DENND4C: variants seen among roughly 807,000 people sequenced by gnomAD.
DENND4C encodes the protein DENN domain containing 4C.
In DENND4C, 108 loss-of-function variants were observed where a neutral mutation model predicts 203.0. The ratio of observed to expected loss-of-function variants is 0.53; its 90% CI spans 0.46 to 0.62. The LOEUF (loss-of-function observed/expected upper bound fraction) is 0.62. Ranked by LOEUF, DENND4C falls within the 20% of genes least tolerant of loss-of-function variation. The pLI, the probability that DENND4C is intolerant of heterozygous loss-of-function variation, is 0.00. For missense variants in DENND4C, 2,481 were observed against 2,301.2 expected (o/e 1.08, Z -1.60); for synonymous variants, 871 against 792.4 (o/e 1.10, Z -1.67).
At position 19,263,362 on chromosome 9, in the gene DENND4C, A is replaced by T. The variant is rs7032921; in HGVS notation, c.-17-12796A>T. Among the ~76,000 whole-genome samples, 4 of 152,044 alleles carry T rather than the reference A, an allele frequency of 2.6e-5. No homozygotes were observed. In the South Asian group the frequency reaches 6.2e-4, roughly 24 times the overall value. On this transcript the variant is annotated intron_variant, in intron 1 of 32. Coordinates refer to ENST00000434457, the MANE Select transcript of DENND4C (RefSeq NM_001330640.2). ...CTTGTTGTTTTTTGTTTGTTTGTTT[A>T]TTTGTTTTTTTGAGACAGAGTTTCA...
intron 2 of DENND4C, among the ~76,000 whole-genome samples, chr9:19,278,503 C>A (rs755428557): frequency 6.6e-6 from 1 of 152,080 alleles, no homozygotes; most frequent in Non-Finnish European, 1.5e-5. Context: ...GCTCATCACC[C>A]ACTCTTGTTG....
chr9:19,266,730 G>A (rs1426939058), intron 1 of DENND4C, among the ~76,000 whole-genome samples: 1 of 152,178 alleles, frequency 6.6e-6, no homozygotes, highest in Non-Finnish European at 1.5e-5. Context: ...ATGGGGAAAG[G>A]ATTCCTTATT....
At chr9:19,315,708 T>C (rs1588902692) in intron 10 of DENND4C, among the ~76,000 whole-genome samples, 1 of 149,094 alleles carries the variant, frequency 6.7e-6, no homozygotes, top group South Asian at 2.1e-4. Flanking sequence ...GCTTTGGGGT[T>C]TTTTTTTTTC....
At chr9:19,253,111 C>G (rs1413265872) in intron 1 of DENND4C, among the ~76,000 whole-genome samples, 3 of 152,194 alleles carry the variant, frequency 2.0e-5, no homozygotes, top group African/African-American at 7.2e-5. Context: ...CATATGCCTT[C>G]TTACGTAGTG....
intron 21 of DENND4C, among the ~76,000 whole-genome samples, 184 bp downstream of exon 21, chr9:19,341,298 A>ACTTT (rs927242927): frequency 6.8e-6 from 1 of 146,666 alleles, no homozygotes; most frequent in African/African-American, 2.5e-5. Flanking sequence ...ATTTAAGAGA[A>ACTTT]CTTTCTTTCT....
At chr9:19,353,473 A>G (rs558530872) in intron 26 of DENND4C, among the ~76,000 whole-genome samples, 4 of 152,156 alleles carry the variant, frequency 2.6e-5, no homozygotes, top group African/African-American at 9.6e-5. Flanking sequence ...ACTAAAATAC[A>G]AAAGATTAGC....
intron 22 of DENND4C, among the ~76,000 whole-genome samples, chr9:19,343,315 A>G (rs1310540856): frequency 6.6e-6 from 1 of 152,174 alleles, no homozygotes; most frequent in Non-Finnish European, 1.5e-5. Context: ...ACTCCCTTGA[A>G]TTTGAGTTTT....
At chr9:19,319,253 A>G (rs1411897227) in intron 12 of DENND4C, among the ~76,000 whole-genome samples, 1 of 146,238 alleles carries the variant, frequency 6.8e-6, no homozygotes, top group Non-Finnish European at 1.5e-5. Flanking sequence ...ATATATAAAC[A>G]TATGTATAAA....
chr9:19,348,799 A>G (rs1823471432), intron 23 of DENND4C, among the ~76,000 whole-genome samples: 1 of 152,112 alleles, frequency 6.6e-6, no homozygotes, highest in South Asian at 2.1e-4. Context: ...AAAGAAAAAA[A>G]AAAGTGTATC....
In DENND4C at chr9:19,274,591, G is replaced by C. The variant is rs150033411; in HGVS notation, c.-17-1567G>C. ...ATTACAGGCGTGAGCCACCGTGCCCGGCCTGGATATGTTTCACTATCTTGA... is the reference window on the plus strand; with the variant it reads ...ATTACAGGCGTGAGCCACCGTGCCCCGCCTGGATATGTTTCACTATCTTGA... On this transcript the variant is annotated intron_variant, in intron 1 of 32. Coordinates refer to ENST00000434457, the MANE Select transcript of DENND4C (RefSeq NM_001330640.2). Among the ~76,000 whole-genome samples the C allele has an allele frequency of 7.5e-3, 1,136 of 152,212 alleles. 16 individuals are homozygous for C. Among genetic ancestry groups the C allele is most frequent in the African/African-American group, 0.026 (1,098 of 41,524 alleles).
chr9:19,299,275 C>A lies in DENND4C; in HGVS notation c.1154C>A (p.Pro385His). 1 of 1,580,022 alleles carries A rather than the reference C, an allele frequency of 6.3e-7. No individual in the cohort carries two copies. The highest frequency in any genetic ancestry group is 8.6e-7 in the Non-Finnish European group (1 of 1,165,146). ...ALILSQPVST[P>H]LPLSGANFST... ...ATATTATCACAGCCAGTTTCTACAC[C>A]TTTACCACTAAGGTAATTACTGGTA... is the stretch of plus-strand genomic sequence containing the variant. The change falls in exon 8 of 33, where the codon CCT (proline) becomes CAT (histidine). Residue 385 changes from proline (P) to histidine (H), a missense_variant. Transcript: ENST00000434457.
chr9:19,319,381 C>CACAT (rs1842459316), intron 12 of DENND4C, among the ~76,000 whole-genome samples: 6 of 135,280 alleles, frequency 4.4e-5, no homozygotes, highest in African/African-American at 1.8e-4. Context: ...TATACACATA[C>CACAT]ATATATATAT....
intron 15 of DENND4C, among the ~76,000 whole-genome samples, chr9:19,326,424 A>G (rs1253939972): frequency 6.6e-6 from 1 of 152,102 alleles, no homozygotes; most frequent in African/African-American, 2.4e-5. Flanking sequence ...TTTAATCTTT[A>G]AAAGTTTCAA....
intron 16 of DENND4C, among the ~76,000 whole-genome samples, chr9:19,330,927 G>C (rs1409120538): frequency 5.9e-5 from 9 of 151,526 alleles, no homozygotes; most frequent in African/African-American, 2.2e-4. Flanking sequence ...ATGGTGGTGG[G>C]TGCCTGTAAT....
intron 26 of DENND4C, among the ~76,000 whole-genome samples, chr9:19,354,556 T>TC (rs1354196985): frequency 9.5e-5 from 14 of 146,628 alleles, no homozygotes; most frequent in Admixed American, 2.0e-4. Flanking sequence ...AGCCTTTTTT[T>TC]TTTTTTTTTT....
intron 10 of DENND4C, among the ~76,000 whole-genome samples, chr9:19,312,275 GT>G (rs1840891307): frequency 6.6e-6 from 1 of 152,008 alleles, no homozygotes. Context: ...CTTAATTTTT[GT>G]ATTTTTTGTA....
In DENND4C at chr9:19,286,861, C is replaced by G; in HGVS notation, c.398C>G (p.Ser133Ter). Residue 133 changes from serine (S) to a stop codon, truncating the protein, a stop_gained, in exon 3 of 33, where the codon TCA becomes TGA. Transcript: ENST00000434457. LOFTEE classifies it high-confidence loss of function. Reference sequence around the variant, plus strand: ...CGCTGTGCCAATGTCAACAATAGTTCAACTACTTCACAAAGAATCTTTATC... The same window carrying G: ...CGCTGTGCCAATGTCAACAATAGTTGAACTACTTCACAAAGAATCTTTATC... ...YGRCANVNNS[S>*]TTSQRIFITY... is the part of the protein sequence containing the mutation. The G allele has an allele frequency of 1.6e-6, 2 of 1,232,114 alleles. No individual in the cohort carries two copies. Among genetic ancestry groups the G allele is most frequent in the Non-Finnish European group, 2.0e-6 (2 of 987,956 alleles). 76.3% of individuals were successfully genotyped at this position (1,232,114 alleles called of 1,614,324 possible).
chr9:19,338,903 A>G (rs1487178121), intron 20 of DENND4C, among the ~76,000 whole-genome samples: 1 of 152,280 alleles, frequency 6.6e-6, no homozygotes, highest in South Asian at 2.1e-4. Flanking sequence ...ATGTTATTTT[A>G]TGTGTCTTTT....
rs368567293 is a variant in DENND4C, at chr9:19,341,125, G to A, written c.3004+11G>A. 2.0e-4 allele frequency: 316 copies of A among 1,591,950 alleles called. No homozygotes were observed. Among genetic ancestry groups the A allele is most frequent in the Non-Finnish European group, 2.5e-4 (288 of 1,171,146 alleles). On this transcript the variant is annotated intron_variant, in intron 21 of 32. Coordinates refer to ENST00000434457, the MANE Select transcript of DENND4C (RefSeq NM_001330640.2). ...AAATGCAAACAGAAGGTTAAGTACT[G>A]ATATTTACGAACTTTACTTAGAATA...
Sources: allele counts gnomAD v4.1 joint callset (sites outside exome capture counted in the v4.1 genomes callset), GRCh38; gene constraint gnomAD v4.1.1; transcripts MANE v1.5; gene names NCBI Gene and HGNC (gene_info 2026-07-23, HGNC 2026-07-21).